DIAPH3: variants seen among roughly 807,000 people sequenced by gnomAD.
DIAPH3 encodes protein diaphanous homolog 3.
DIAPH3 carries 117 observed loss-of-function variants against 144.3 expected under a neutral mutation model. The observed-to-expected ratio is 0.81, with a 90% confidence interval of 0.70 to 0.95. The LOEUF (loss-of-function observed/expected upper bound fraction) is 0.95. DIAPH3 is among the 40% of genes least tolerant of loss of function. The probability of loss-of-function intolerance (pLI) is 0.00; values close to 1 mark genes in which losing one functional copy is unlikely to be tolerated. For missense variants in DIAPH3, 1,421 were observed against 1,412.7 expected, an observed-to-expected ratio of 1.01 and a Z score of -0.09; for synonymous variants, 519 against 488.9, an observed-to-expected ratio of 1.06 and a Z score of -0.81.
chr13:60,147,419 C>T (rs770678685), intron 1 of DIAPH3: 1 of 152,208 alleles, frequency 6.6e-6, no homozygotes, highest in Non-Finnish European at 1.5e-5. Flanking sequence ...TGCTCTTGGG[C>T]CTCCCCTTCC....
chr13:59,945,620 GA>G (rs150378815), intron 17 of DIAPH3, among the ~76,000 whole-genome samples: 22,322 of 131,902 alleles, frequency 0.17, 1,862 homozygotes, highest in East Asian at 0.46. Flanking sequence ...CTTGCTGACA[GA>G]AAAAAAAAAA....
chr13:60,140,877 T>A (rs1244302374), intron 1 of DIAPH3, among the ~76,000 whole-genome samples: 2 of 152,168 alleles, frequency 1.3e-5, no homozygotes, highest in Non-Finnish European at 2.9e-5. Context: ...TTTTAATGCA[T>A]ATTTTCAAGT....
Position 59,822,131 on chromosome 13 carries a change from ACATTT to A in DIAPH3, c.3027+10971_3027+10975del, listed in dbSNP as rs1285115683. On this transcript the variant is annotated intron_variant, in intron 24 of 27. Coordinates refer to ENST00000400324, the MANE Select transcript of DIAPH3 (RefSeq NM_001042517.2). Reference sequence around the variant, plus strand: ...GTAAATGAGATACTTCAACCTATTCACATTTCTTTAATAGATAAAGTATAAGATGT... The same window carrying A: ...GTAAATGAGATACTTCAACCTATTCACTTTAATAGATAAAGTATAAGATGT... Among the ~76,000 whole-genome samples the A allele has an allele frequency of 3.9e-5, 6 of 152,170 alleles. No individual in the cohort carries two copies. In the East Asian group the frequency reaches 1.2e-3, roughly 29 times the overall value.
chr13:59,923,620 C>T (rs1279249956), intron 18 of DIAPH3, among the ~76,000 whole-genome samples: 2 of 152,124 alleles, frequency 1.3e-5, no homozygotes, highest in Non-Finnish European at 2.9e-5. Flanking sequence ...CAATGAAATG[C>T]TTCCACCCCA....
intron 1 of DIAPH3, among the ~76,000 whole-genome samples, chr13:60,151,833 T>G (rs1594789851): frequency 6.6e-6 from 1 of 152,298 alleles, no homozygotes; most frequent in South Asian, 2.1e-4. Context: ...AGAAGTGAAA[T>G]AGTCATATTG....
At chr13:59,846,025 C>G (rs1010177130) in intron 22 of DIAPH3, among the ~76,000 whole-genome samples, 1 of 152,022 alleles carries the variant, frequency 6.6e-6, no homozygotes, top group Non-Finnish European at 1.5e-5. Flanking sequence ...ACATTAAAAT[C>G]AAAGACACAG....
At chr13:59,875,649 T>C (rs1214899273) in intron 21 of DIAPH3, among the ~76,000 whole-genome samples, 1 of 152,178 alleles carries the variant, frequency 6.6e-6, no homozygotes, top group African/African-American at 2.4e-5. Context: ...GAAAACACTA[T>C]TTTTGCTCAT....
chr13:59,728,129 G>A (rs1341035732), intron 27 of DIAPH3, among the ~76,000 whole-genome samples: 1 of 151,876 alleles, frequency 6.6e-6, no homozygotes, highest in Non-Finnish European at 1.5e-5. Context: ...AGTCCTACAT[G>A]AGTTGAAATA....
intron 9 of DIAPH3, among the ~76,000 whole-genome samples, chr13:60,004,341 GAC>G (rs2052725094): frequency 6.6e-6 from 1 of 152,146 alleles, no homozygotes; most frequent in Admixed American, 6.5e-5. Flanking sequence ...AATTCAGAAA[GAC>G]AGAGAAATAG....
intron 17 of DIAPH3, among the ~76,000 whole-genome samples, chr13:59,944,923 G>C (rs913354578): frequency 6.6e-6 from 1 of 151,844 alleles, no homozygotes; most frequent in African/African-American, 2.4e-5. Flanking sequence ...TAACTAACTT[G>C]TAACACCACC....
chr13:59,883,856 T>C (rs1393727877), intron 20 of DIAPH3, among the ~76,000 whole-genome samples: 2 of 152,192 alleles, frequency 1.3e-5, no homozygotes, highest in Non-Finnish European at 2.9e-5. Flanking sequence ...TGCAATGAGC[T>C]CTGCCTGCCA....
chr13:59,810,530 A>G (rs1182006363), intron 25 of DIAPH3, among the ~76,000 whole-genome samples: 1 of 152,232 alleles, frequency 6.6e-6, no homozygotes, highest in African/African-American at 2.4e-5. Context: ...GTAATTAAAG[A>G]AACGTGAATA....
chr13:60,161,857 TA>T, intron 1 of DIAPH3, among the ~76,000 whole-genome samples: 1 of 152,206 alleles, frequency 6.6e-6, no homozygotes, highest in East Asian at 1.9e-4. Context: ...CTTATTAAAA[TA>T]AAAAATAATT....
chr13:59,719,302 T>C (rs1418661278), intron 27 of DIAPH3, among the ~76,000 whole-genome samples: 4 of 152,244 alleles, frequency 2.6e-5, no homozygotes, highest in African/African-American at 7.2e-5. Context: ...CATTTTTACT[T>C]AGTGAAGATA....
chr13:59,870,013 A>G (rs1485820515), intron 21 of DIAPH3, among the ~76,000 whole-genome samples: 1 of 152,152 alleles, frequency 6.6e-6, no homozygotes, highest in Non-Finnish European at 1.5e-5. Context: ...TTCATAGATT[A>G]TACTTTTAGT....
At chr13:59,964,894 T>C (rs982539421) in intron 17 of DIAPH3, among the ~76,000 whole-genome samples, 1 of 152,214 alleles carries the variant, frequency 6.6e-6, no homozygotes, top group African/African-American at 2.4e-5. Flanking sequence ...ATTCTGTTCT[T>C]TTCAGGAAAC....
intron 17 of DIAPH3, among the ~76,000 whole-genome samples, chr13:59,951,077 T>C (rs142037659): frequency 6.6e-6 from 1 of 152,164 alleles, no homozygotes; most frequent in Non-Finnish European, 1.5e-5. Context: ...TAATGTTTTA[T>C]GTGTACTTAA....
intron 12 of DIAPH3, among the ~76,000 whole-genome samples, chr13:59,987,008 A>G (rs1429673418): frequency 1.3e-5 from 2 of 152,066 alleles, no homozygotes; most frequent in Non-Finnish European, 1.5e-5. Flanking sequence ...TCATGCTGCT[A>G]TAAAGACACA....
chr13:59,837,462 T>C (rs1232141542), intron 23 of DIAPH3, among the ~76,000 whole-genome samples: 1 of 152,042 alleles, frequency 6.6e-6, no homozygotes, highest in Admixed American at 6.6e-5. Flanking sequence ...CAGGAATTCA[T>C]CTTGGTTCTA....
Sources: allele counts gnomAD v4.1 joint callset (sites outside exome capture counted in the v4.1 genomes callset), GRCh38; gene constraint gnomAD v4.1.1; transcripts MANE v1.5; gene names NCBI Gene and HGNC (gene_info 2026-07-23, HGNC 2026-07-21).